The following PLEKHA8 variants were observed in gnomAD, a reference collection of about 807,000 sequenced individuals.
PLEKHA8 encodes the protein pleckstrin homology domain containing A8.
A neutral mutation model predicts 68.2 loss-of-function variants in PLEKHA8; 36 were observed. The observed-to-expected ratio is 0.53, with a 90% CI of 0.40 to 0.70. The LOEUF (loss-of-function observed/expected upper bound fraction) is 0.70. Among genes scored for constraint, PLEKHA8 ranks in the 30% least tolerant of loss-of-function variants. The probability of loss-of-function intolerance (pLI) is 0.00; values close to 1 mark genes in which losing one functional copy is unlikely to be tolerated. For missense variants in PLEKHA8, 505 were observed against 615.4 expected, an observed-to-expected ratio of 0.82 and a Z score of 1.90; for synonymous variants, 211 against 216.1, an observed-to-expected ratio of 0.98 and a Z score of 0.20.
At chr7:30,106,861 C>T (rs1162446301) in intron 13 of PLEKHA8, among the ~76,000 whole-genome samples, 1 of 152,148 alleles carries the variant, frequency 6.6e-6, no homozygotes, top group African/African-American at 2.4e-5. Flanking sequence ...GGAGGATGCG[C>T]ATAGGTTACA....
chr7:30,130,040 G>A (rs955635528), downstream of PLEKHA8: 1 of 152,206 alleles, frequency 6.6e-6, no homozygotes, highest in Admixed American at 6.5e-5. Context: ...AGATAAGGCT[G>A]CCATAGAATC....
At chr7:30,072,998 TATTGA>T (rs1190287270) in intron 12 of PLEKHA8, among the ~76,000 whole-genome samples, 4 of 152,258 alleles carry the variant, frequency 2.6e-5, no homozygotes, top group Admixed American at 1.3e-4. Flanking sequence ...ATTTTGCATA[TATTGA>T]ATTATTCAAA....
chr7:30,069,135 C>T (rs999421791), intron 12 of PLEKHA8, among the ~76,000 whole-genome samples: 25 of 152,260 alleles, frequency 1.6e-4, no homozygotes, highest in East Asian at 1.2e-3. Flanking sequence ...GTTACTGGAC[C>T]GTTCTCTCTA....
At chr7:30,036,022 G>A (rs1448284270) in intron 1 of PLEKHA8, among the ~76,000 whole-genome samples, 2 of 152,040 alleles carry the variant, frequency 1.3e-5, no homozygotes, top group Admixed American at 6.5e-5. Context: ...TTGGGAGGCC[G>A]ACATGGGCAG....
At chr7:30,050,001 C>T (rs1191031890) in intron 5 of PLEKHA8, among the ~76,000 whole-genome samples, 1 of 152,162 alleles carries the variant, frequency 6.6e-6, no homozygotes, top group Admixed American at 6.5e-5. Flanking sequence ...ATACATATTC[C>T]TATTTTATTT....
rs796845171 is a variant in PLEKHA8 at position 30,056,312 on chromosome 7, C to CTCTCTCTATATATATA, written c.1039+971_1039+972insCTCTCTATATATATAT. 1.5e-3 allele frequency among the ~76,000 whole-genome samples: 138 copies of CTCTCTCTATATATATA among 94,530 alleles called. 1 individual carries two copies. The highest frequency in any genetic ancestry group is 2.1e-3 in the Admixed American group (17 of 8,168). 62.0% of individuals were successfully genotyped at this position (94,530 alleles called of 152,430 possible). The stretch of plus-strand genomic sequence containing the variant: ...TCTCTCTCTCTCTCTCTCTCTCTCT[C>CTCTCTCTATATATATA]TATATATATATATATATATAAATAA... On this transcript the variant is annotated intron_variant, in intron 9 of 13. Coordinates refer to ENST00000449726, the MANE Select transcript of PLEKHA8 (RefSeq NM_001197026.2).
At chr7:30,046,099 G>A in intron 2 of PLEKHA8, 111 bp from the exon 3 acceptor site, 2 of 1,040,994 alleles carry the variant, frequency 1.9e-6, no homozygotes, top group Non-Finnish European at 2.7e-6. Flanking sequence ...ATCCTCTTTG[G>A]GAAGAAGCCT....
chr7:30,066,487 G>A (rs1300950238), intron 12 of PLEKHA8, among the ~76,000 whole-genome samples: 1 of 152,070 alleles, frequency 6.6e-6, no homozygotes, highest in African/African-American at 2.4e-5. Context: ...GAACATTTTG[G>A]GTGGTTTCAT....
intron 13 of PLEKHA8, among the ~76,000 whole-genome samples, chr7:30,124,527 T>C (rs1005135731): frequency 2.0e-5 from 3 of 152,158 alleles, no homozygotes; most frequent in African/African-American, 7.2e-5. Flanking sequence ...TCTGTTGAAA[T>C]CTTAGCAAAG....
intron 13 of PLEKHA8, among the ~76,000 whole-genome samples, chr7:30,116,658 T>A (rs928678408): frequency 2.0e-5 from 3 of 152,306 alleles, no homozygotes; most frequent in African/African-American, 7.2e-5. Flanking sequence ...TCATGTTGTT[T>A]CTCTCCCATA....
chr7:30,115,923 T>C lies in PLEKHA8; in HGVS notation c.1363-13343T>C, dbSNP rs562785094. On this transcript the variant is annotated intron_variant, in intron 13 of 13. Transcript: ENST00000396257. ...GCATGTATACATGCATGCGTGCGTG[T>C]ACATACATGTATACATGCACACATA... 27 of 110,642 alleles carry C rather than the reference T, an allele frequency of 2.4e-4. 3 individuals carry two copies. Among genetic ancestry groups the C allele is most frequent in the Middle Eastern group, 4.9e-3 (1 of 206 alleles). The allele number at this position is 110,642 out of a possible 1,614,324, so 6.9% of individuals were successfully genotyped here.
Position 30,082,108 on chromosome 7 carries a change from A to G in PLEKHA8, c.*3321A>G. ...AATGTTGAGCCTGTGGGCCCAAGAC[A>G]TTGACTTCGAAGGGTAGTTCTCATT... On this transcript the variant is annotated 3_prime_UTR_variant, in exon 14 of 14. Coordinates refer to ENST00000449726, the MANE Select transcript of PLEKHA8 (RefSeq NM_001197026.2). 5.1e-6 allele frequency: 5 copies of G among 985,386 alleles called. No individual in the cohort carries two copies. Among genetic ancestry groups the G allele is most frequent in the Non-Finnish European group, 6.0e-6 (5 of 829,918 alleles). The allele number at this position is 985,386 out of a possible 1,614,324, so 61.0% of individuals were successfully genotyped here.
At chr7:30,112,772 G>T (rs1796312798) in intron 13 of PLEKHA8, among the ~76,000 whole-genome samples, 1 of 151,472 alleles carries the variant, frequency 6.6e-6, no homozygotes, top group East Asian at 1.9e-4. Flanking sequence ...GTGGTGGCAT[G>T]TACCTGTAGT....
intron 13 of PLEKHA8, among the ~76,000 whole-genome samples, chr7:30,101,522 G>T (rs1308091325): frequency 6.6e-6 from 1 of 152,026 alleles, no homozygotes; most frequent in African/African-American, 2.4e-5. Context: ...AAGCTCTCAG[G>T]GGCCTCTTTT....
At chr7:30,038,660 AATTTT>A (rs1240370275) in intron 1 of PLEKHA8, among the ~76,000 whole-genome samples, 1 of 152,176 alleles carries the variant, frequency 6.6e-6, no homozygotes. Flanking sequence ...CCAAATAATG[AATTTT>A]ATTTTATGTA....
At chr7:30,129,538 C>T (rs954037389), downstream of PLEKHA8, 10 of 558,176 alleles carry the variant, frequency 1.8e-5, no homozygotes, top group Admixed American at 3.1e-5. Context: ...AAATTTTCAA[C>T]ATGTACACCT....
intron 6 of PLEKHA8, among the ~76,000 whole-genome samples, chr7:30,051,674 A>G (rs1419118204): frequency 1.3e-5 from 2 of 152,056 alleles, no homozygotes; most frequent in East Asian, 1.9e-4. Flanking sequence ...GACATACTTT[A>G]TAAGGAGTAC....
intron 13 of PLEKHA8, among the ~76,000 whole-genome samples, chr7:30,117,680 C>G (rs746456804): frequency 6.6e-5 from 10 of 152,010 alleles, no homozygotes; most frequent in Middle Eastern, 3.2e-3. Context: ...CTCCATCCAG[C>G]CTGTGTGACA....
Position 30,028,817 on chromosome 7 carries a change from CG to C in PLEKHA8, c.40+18del. 1 of 1,263,392 alleles carries C rather than the reference CG, an allele frequency of 7.9e-7. No individual in the cohort carries two copies. The highest frequency in any genetic ancestry group is 3.1e-5 in the East Asian group (1 of 32,382). The allele number at this position is 1,263,392 out of a possible 1,614,324, so 78.3% of individuals were successfully genotyped here. ...CTATCTGAGCGGTGAGTGGCCGTGCCGGGCCGGGGGCGCGCCGGGGGCCGGT... is the reference window on the plus strand; with the variant it reads ...CTATCTGAGCGGTGAGTGGCCGTGCCGGCCGGGGGCGCGCCGGGGGCCGGT... On this transcript the variant is annotated intron_variant, in intron 1 of 13. Coordinates refer to ENST00000449726, the MANE Select transcript of PLEKHA8 (RefSeq NM_001197026.2).
Sources: allele counts gnomAD v4.1 joint callset (sites outside exome capture counted in the v4.1 genomes callset), GRCh38; gene constraint gnomAD v4.1.1; transcripts MANE v1.5; gene names NCBI Gene and HGNC (gene_info 2026-07-23, HGNC 2026-07-21).